Variants in RBM28 observed in about 807,000 individuals in gnomAD.
The protein encoded by RBM28 is RNA-binding protein 28.
RBM28 carries 78 observed loss-of-function variants against 98.3 expected under a neutral mutation model. The ratio of observed to expected loss-of-function variants is 0.79; its 90% CI spans 0.66 to 0.96. RBM28 has a LOEUF of 0.96. Among genes scored for constraint, RBM28 ranks in the 40% least tolerant of loss-of-function variants. RBM28 has a pLI of 0.00. For synonymous variants in RBM28, 306 were observed against 330.9 expected, an observed-to-expected ratio of 0.92 and a Z score of 0.82; for missense variants, 838 against 913.0, an observed-to-expected ratio of 0.92 and a Z score of 1.06.
rs1384491950 is a variant in RBM28, at chr7:128,313,028, T to C, written c.2145+147A>G. ...TACTTTTTTCTCTCCACTTTTAAGA[T>C]TGTATAGCTCAACATTCTCTAAAAA... On this transcript the variant is annotated intron_variant, in intron 18 of 18. Transcript: ENST00000223073. The C allele has an allele frequency of 1.0e-5, 8 of 796,368 alleles. No individual in the cohort carries two copies. The African/African-American group carries it at 1.2e-4, about 12-fold the overall frequency. The allele number at this position is 796,368 out of a possible 1,614,324, so 49.3% of individuals were successfully genotyped here. A position where few individuals can be genotyped will look rare whatever the true frequency, so the allele number is the denominator to read the frequency against.
chr7:128,338,798 A>C lies in RBM28; in HGVS notation c.376T>G (p.Ser126Ala). 1 of 1,607,684 alleles carries C rather than the reference A, an allele frequency of 6.2e-7. No homozygotes were observed. The highest frequency in any genetic ancestry group is 1.1e-5 in the South Asian group (1 of 90,946). ...AATACTGTCTTCAAGTCATCTTCTGAACACTGAAGCCAAAAGTGAAGAAAG... is the reference window on the plus strand; with the variant it reads ...AATACTGTCTTCAAGTCATCTTCTGCACACTGAAGCCAAAAGTGAAGAAAG... ...LIIRNLSFKC[S>A]EDDLKTVFAQ... Residue 126 changes from serine to alanine, a missense_variant, in exon 4 of 19, where the codon TCA (serine) becomes GCA (alanine). Coordinates refer to ENST00000223073, the MANE Select transcript of RBM28 (RefSeq NM_018077.3).
chr7:128,341,297 A>ACAAG (rs1796719021), intron 1 of RBM28: 10 of 677,468 alleles, frequency 1.5e-5, no homozygotes, highest in Non-Finnish European at 2.2e-5. Flanking sequence ...CACCTTTCAG[A>ACAAG]AAATGAGCAC....
rs918696021 is a variant in RBM28, at chr7:128,303,659, C to T, written c.*7138G>A. 19 of 152,244 alleles carry T rather than the reference C, an allele frequency of 1.2e-4. No individual in the cohort carries two copies. The highest frequency in any genetic ancestry group is 7.3e-5 in the Non-Finnish European group (5 of 68,070). 9.4% of individuals were successfully genotyped at this position (152,244 alleles called of 1,614,324 possible). On this transcript the variant is annotated 3_prime_UTR_variant, in exon 19 of 19. Transcript: ENST00000223073. ...ATTCCTTCCAACTAAAAGTATCTTT[C>T]CATCCCTGTTGGTATAGTGGTTAGG...
At position 128,330,909 on chromosome 7, in the gene RBM28, C is replaced by T; in HGVS notation, c.1039G>A (p.Glu347Lys). 6.2e-7 allele frequency: 1 copy of T among 1,613,598 alleles called. No individual in the cohort carries two copies. Among genetic ancestry groups the T allele is most frequent in the South Asian group, 1.1e-5 (1 of 91,072 alleles). The stretch of plus-strand genomic sequence containing the variant: ...AGAAGCTCCCCAAGTTCTTCTTCTT[C>T]TGAGTCAAAGGACAGATTTCTATGG... ...VFIRNLSFDSEEEELGELLQQ... is the reference protein window; with the variant it reads ...VFIRNLSFDSKEEELGELLQQ... The change falls in exon 10 of 19, where the codon GAA (glutamate) becomes AAA (lysine). Residue 347 changes from glutamate (E) to lysine (K), a missense_variant. Physicochemically the swap from Glu to Lys is moderately conservative, Grantham distance 56. Coordinates refer to ENST00000223073, the MANE Select transcript of RBM28 (RefSeq NM_018077.3).
At chr7:128,328,518 AT>A (rs565282637) in intron 10 of RBM28, among the ~76,000 whole-genome samples, 238 of 152,186 alleles carry the variant, frequency 1.6e-3, no homozygotes, top group Non-Finnish European at 2.0e-3. Context: ...AGGACAATAC[AT>A]TTTTTTTAAA....
rs903501264 is a variant in RBM28 at position 128,310,263 on chromosome 7, G to C, written c.*534C>G. On this transcript the variant is annotated 3_prime_UTR_variant, in exon 19 of 19. Coordinates refer to ENST00000223073, the MANE Select transcript of RBM28 (RefSeq NM_018077.3). ...TCTTTTCCAAGTGTCTCCGCCTGCAGCGATTAGGTTAGAAAGCATTTCTCT... is the reference window on the plus strand; with the variant it reads ...TCTTTTCCAAGTGTCTCCGCCTGCACCGATTAGGTTAGAAAGCATTTCTCT... 1 of 166,794 alleles carries C rather than the reference G, an allele frequency of 6.0e-6. No homozygotes were observed. Among genetic ancestry groups the C allele is most frequent in the African/African-American group, 2.4e-5 (1 of 41,548 alleles). 10.3% of individuals were successfully genotyped at this position (166,794 alleles called of 1,614,324 possible).
intron 10 of RBM28, among the ~76,000 whole-genome samples, chr7:128,326,292 G>C (rs1291025365): frequency 1.5e-5 from 2 of 136,578 alleles, no homozygotes; most frequent in Non-Finnish European, 3.1e-5. Flanking sequence ...AACAGAGCAA[G>C]ACTCCGTCTC....
rs886156448 is a variant in RBM28, at chr7:128,321,354, T to C, written c.1475A>G (p.His492Arg). ...GTCATCTACAGCCTTTGGGAGATTG[T>C]GCAGGCAGAGCCTGGTTCGGGAGAC... ...IFVSRTRLCL[H>R]NLPKAVDDKQ... The change falls in exon 14 of 19, where the codon CAC becomes CGC. Residue 492 changes from histidine (H) to arginine (R), a missense_variant. Transcript: ENST00000223073. 1 of 1,614,214 alleles carries C rather than the reference T, an allele frequency of 6.2e-7. No homozygotes were observed. The highest frequency in any genetic ancestry group is 1.1e-5 in the South Asian group (1 of 91,086).
chr7:128,328,454 C>A (rs112009522), intron 10 of RBM28, among the ~76,000 whole-genome samples: 1 of 151,964 alleles, frequency 6.6e-6, no homozygotes, highest in African/African-American at 2.4e-5. Context: ...AGGAGCAGCA[C>A]GAGGCTGCAT....
chr7:128,342,624 T>A (rs1466440267), intron 1 of RBM28, among the ~76,000 whole-genome samples: 1 of 151,744 alleles, frequency 6.6e-6, no homozygotes, highest in African/African-American at 2.4e-5. Flanking sequence ...GAGGTTGCAG[T>A]GAGCGGAGAT....
rs190255058 is a variant in RBM28, at chr7:128,335,479, C to T, written c.946+64G>A. 5.0e-6 allele frequency: 8 copies of T among 1,587,740 alleles called. No individual in the cohort carries two copies. The African/African-American group carries it at 6.7e-5, about 13-fold the overall frequency. ...AAAAGAGATCTAAGCAGAACTGATG[C>T]TCATTTCCGTAACTTCAGTAACTTT... On this transcript the variant is annotated intron_variant, in intron 8 of 18. Transcript: ENST00000223073.
At chr7:128,311,288 T>C (rs1795978900) in intron 18 of RBM28, among the ~76,000 whole-genome samples, 1 of 152,150 alleles carries the variant, frequency 6.6e-6, no homozygotes, top group African/African-American at 2.4e-5. Context: ...AGAACACTGC[T>C]CATGGGATTT....
At position 128,339,102 on chromosome 7, in the gene RBM28, G is replaced by T. The variant is rs1584664316; in HGVS notation, c.372+125C>A. 4.3e-6 allele frequency: 4 copies of T among 924,578 alleles called. No homozygotes were observed. In the East Asian group the frequency reaches 7.2e-5, roughly 17 times the overall value. 57.3% of individuals were successfully genotyped at this position (924,578 alleles called of 1,614,324 possible). A position where few individuals can be genotyped will look rare whatever the true frequency, so the allele number is the denominator to read the frequency against. On this transcript the variant is annotated intron_variant, in intron 3 of 18. Transcript: ENST00000223073. ...GGCCCACTTTCTGAATTCAACAGGG[G>T]TAAGGTTGATTCCCAGAAGGAATTA...
At chr7:128,337,375 C>G (rs759657412) in intron 5 of RBM28, among the ~76,000 whole-genome samples, 173 bp from the exon 6 acceptor site, 4 of 152,092 alleles carry the variant, frequency 2.6e-5, no homozygotes, top group Admixed American at 1.3e-4. Context: ...TCCTTTTAAC[C>G]CTTAACCTTT....
At chr7:128,322,796 T>G (rs1419267616) in intron 13 of RBM28, among the ~76,000 whole-genome samples, 1 of 152,068 alleles carries the variant, frequency 6.6e-6, no homozygotes, top group South Asian at 2.1e-4. Flanking sequence ...CCACAAAAGT[T>G]GAAAACACTA....
rs1268092923 is a variant in RBM28 at position 128,299,270 on chromosome 7, G to C, written c.*11527C>G. 6.6e-6 allele frequency: 1 copy of C among 152,242 alleles called. No homozygotes were observed. Among genetic ancestry groups the C allele is most frequent in the Non-Finnish European group, 1.5e-5 (1 of 68,080 alleles). 9.4% of individuals were successfully genotyped at this position (152,242 alleles called of 1,614,324 possible). On this transcript the variant is annotated 3_prime_UTR_variant, in exon 19 of 19. Transcript: ENST00000223073. The stretch of plus-strand genomic sequence containing the variant: ...AAGGCAGGGAAGCAGGCTTAGGATT[G>C]GCTAATCTGTATAACTTTGGCAGGC...
chr7:128,308,121 C>G lies in RBM28; in HGVS notation c.*2676G>C, dbSNP rs1331469333. The stretch of plus-strand genomic sequence containing the variant: ...ACCAAATAGCCCATGGTAAGGTGTT[C>G]CAAAGGAAGACACCATATATAGAAT... On this transcript the variant is annotated 3_prime_UTR_variant, in exon 19 of 19. Transcript: ENST00000223073. 6.6e-6 allele frequency: 1 copy of G among 152,092 alleles called. No homozygotes were observed. Among genetic ancestry groups the G allele is most frequent in the Non-Finnish European group, 1.5e-5 (1 of 68,012 alleles). 9.4% of individuals were successfully genotyped at this position (152,092 alleles called of 1,614,324 possible).
chr7:128,339,698 C>T lies in RBM28; in HGVS notation c.212G>A (p.Cys71Tyr). ...CTTGGCAACAGTCACGTTGATCTTG[C>T]AACCTTCAAAGGTGGTAATCTCCTT... ...ALKEITTFEG[C>Y]KINVTVAKKK... The change falls in exon 2 of 19, where the codon TGC becomes TAC. Residue 71 changes from cysteine (C) to tyrosine (Y), a missense_variant. Cys to Tyr is a radical substitution (Grantham distance 194, BLOSUM62 -2). Coordinates refer to ENST00000223073, the MANE Select transcript of RBM28 (RefSeq NM_018077.3). 6 of 1,614,052 alleles carry T rather than the reference C, an allele frequency of 3.7e-6. No individual in the cohort carries two copies. Among genetic ancestry groups the T allele is most frequent in the Non-Finnish European group, 5.1e-6 (6 of 1,179,948 alleles).
chr7:128,336,153 T>C (rs1796596559), intron 6 of RBM28, 111 bp from the exon 7 acceptor site: 1 of 1,096,338 alleles, frequency 9.1e-7, no homozygotes, highest in African/African-American at 1.6e-5. Context: ...TTACAGAATT[T>C]CGTATATTTT....
Sources: gnomAD v4.1 joint callset for allele counts (sites outside exome capture counted in the v4.1 genomes callset) on GRCh38, gnomAD v4.1.1 for gene constraint, MANE v1.5 for transcripts, NCBI Gene and HGNC (gene_info 2026-07-23, HGNC 2026-07-21) for gene names.